The following TAOK1 variants were observed in gnomAD, a reference collection of about 807,000 sequenced individuals.
The protein encoded by TAOK1 is serine/threonine-protein kinase TAO1.
A neutral mutation model predicts 138.3 loss-of-function variants in TAOK1; 21 were observed. The ratio of observed to expected loss-of-function variants is 0.15; its 90% confidence interval spans 0.11 to 0.22. The LOEUF is 0.22. Among genes scored for constraint, TAOK1 ranks in the 10% least tolerant of loss-of-function variants. The pLI is 1.00. For missense variants in TAOK1, 651 were observed against 1,227.7 expected (o/e 0.53, Z 7.02); for synonymous variants, 361 against 398.4 (o/e 0.91, Z 1.12).
intron 17 of TAOK1, among the ~76,000 whole-genome samples, chr17:29,524,997 G>C (rs2150768942): frequency 6.6e-6 from 1 of 152,172 alleles, no homozygotes; most frequent in Non-Finnish European, 1.5e-5. Flanking sequence ...CTTAGTATAA[G>C]CATTAATTTT....
In TAOK1 at chr17:29,465,837, C is replaced by CTTTTTTTTTTTTTTTTTTTTTTTTT. The variant is rs3058623; in HGVS notation, c.133-1305_133-1281dup. On this transcript the variant is annotated intron_variant, in intron 2 of 19. Coordinates refer to ENST00000261716, the MANE Select transcript of TAOK1 (RefSeq NM_020791.4). ...AAGAGTTAACTGTCAAGTTTCTGTG[C>CTTTTTTTTTTTTTTTTTTTTTTTTT]TTTTTTTTTTTTTTTTTTTTTTTTT... Among the ~76,000 whole-genome samples the CTTTTTTTTTTTTTTTTTTTTTTTTT allele has an allele frequency of 5.3e-4, 24 of 45,432 alleles. 7 individuals carry two copies. Among genetic ancestry groups the CTTTTTTTTTTTTTTTTTTTTTTTTT allele is most frequent in the African/African-American group, 1.7e-3 (15 of 8,704 alleles). 29.8% of individuals were successfully genotyped at this position (45,432 alleles called of 152,430 possible). A position where few individuals can be genotyped will look rare whatever the true frequency, so the allele number is the denominator to read the frequency against.
intron 1 of TAOK1, among the ~76,000 whole-genome samples, chr17:29,418,947 T>TTTTTTTTTTTTTTTA (rs1555557975): frequency 1.5e-5 from 2 of 132,574 alleles, no homozygotes; most frequent in African/African-American, 2.8e-5. Context: ...TTTTTTTTTT[T>TTTTTTTTTTTTTTTA]ATGTATGTTT....
chr17:29,397,462 G>T (rs1230359706), intron 1 of TAOK1, among the ~76,000 whole-genome samples: 3 of 151,562 alleles, frequency 2.0e-5, no homozygotes, highest in Non-Finnish European at 4.4e-5. Flanking sequence ...AATTAGCCGG[G>T]CATGGTGGCG....
chr17:29,462,690 A>G (rs1032845951), intron 2 of TAOK1, among the ~76,000 whole-genome samples: 1 of 152,248 alleles, frequency 6.6e-6, no homozygotes, highest in Non-Finnish European at 1.5e-5. Context: ...GACCATTTAT[A>G]TATAATTAAT....
At chr17:29,462,154 C>G (rs1281249767) in intron 2 of TAOK1, among the ~76,000 whole-genome samples, 12 of 152,198 alleles carry the variant, frequency 7.9e-5, no homozygotes. Flanking sequence ...AGCTCTTTAA[C>G]ACACTTCTGA....
At chr17:29,426,887 A>G (rs1598476762) in intron 1 of TAOK1, among the ~76,000 whole-genome samples, 1 of 152,188 alleles carries the variant, frequency 6.6e-6, no homozygotes. Flanking sequence ...TGAATATTTT[A>G]TAGTAGAGCA....
At chr17:29,469,414 A>G (rs1442390997) in intron 3 of TAOK1, among the ~76,000 whole-genome samples, 1 of 152,128 alleles carries the variant, frequency 6.6e-6, no homozygotes, top group Non-Finnish European at 1.5e-5. Context: ...CATTATCACC[A>G]TGCGTCTCTA....
Position 29,471,315 on chromosome 17 carries a change from CTG to C in TAOK1, c.204+4101_204+4102del, listed in dbSNP as rs547065640. 2.3e-3 allele frequency among the ~76,000 whole-genome samples: 254 copies of C among 109,488 alleles called. 1 individual carries two copies. The highest frequency in any genetic ancestry group is 0.01 in the Middle Eastern group (1 of 100). 71.8% of individuals were successfully genotyped at this position (109,488 alleles called of 152,430 possible). A position where few individuals can be genotyped will look rare whatever the true frequency, so the allele number is the denominator to read the frequency against. ...TTTTTTTTTGAGATGAAGTCTCACTCTGTCGCCAGGCTGGAGTGCAGTGGCGC... is the reference window on the plus strand; with the variant it reads ...TTTTTTTTTGAGATGAAGTCTCACTCTCGCCAGGCTGGAGTGCAGTGGCGC... On this transcript the variant is annotated intron_variant, in intron 3 of 19. Transcript: ENST00000261716.
intron 1 of TAOK1, among the ~76,000 whole-genome samples, chr17:29,398,066 T>C (rs569071117): frequency 5.3e-5 from 8 of 152,060 alleles, no homozygotes; most frequent in African/African-American, 1.9e-4. Context: ...ACGGGGTCTC[T>C]ATGTTGCCCA....
intron 2 of TAOK1, among the ~76,000 whole-genome samples, chr17:29,457,089 CTTTTTTTTTTT>C (rs548221652): frequency 3.7e-5 from 4 of 107,426 alleles, no homozygotes; most frequent in South Asian, 6.6e-4. Context: ...TTTTCTTTTT[CTTTTTTTTTTT>C]TTTTTTTTTT....
intron 1 of TAOK1, among the ~76,000 whole-genome samples, chr17:29,407,518 T>C (rs1332061388): frequency 6.6e-6 from 1 of 151,458 alleles, no homozygotes; most frequent in East Asian, 2.0e-4. Flanking sequence ...CAATCATGGC[T>C]CACTGCAACC....
intron 3 of TAOK1, among the ~76,000 whole-genome samples, chr17:29,471,229 G>C (rs2030808139): frequency 6.8e-6 from 1 of 146,140 alleles, no homozygotes; most frequent in Admixed American, 6.8e-5. Context: ...ATAACATTTT[G>C]TCTAAAAAAG....
rs1285499313 is a variant in TAOK1, at chr17:29,543,215, G to A, written c.*193G>A. 1.9e-6 allele frequency: 1 copy of A among 512,974 alleles called. No homozygotes were observed. The highest frequency in any genetic ancestry group is 3.3e-6 in the Non-Finnish European group (1 of 304,822). The allele number at this position is 512,974 out of a possible 1,614,324, so 31.8% of individuals were successfully genotyped here. ...GGATGTCATAGTACTTGGCTGCCGG[G>A]TTTGTTTGTTTTTGGGGAAATTTTG... On this transcript the variant is annotated 3_prime_UTR_variant, in exon 20 of 20. Coordinates refer to ENST00000261716, the MANE Select transcript of TAOK1 (RefSeq NM_020791.4).
rs758340709 is a variant in TAOK1 at position 29,522,463 on chromosome 17, C to G, written c.2092C>G (p.Arg698Gly). 2 of 1,614,040 alleles carry G rather than the reference C, an allele frequency of 1.2e-6. No homozygotes were observed. The highest frequency in any genetic ancestry group is 1.7e-5 in the Admixed American group (1 of 59,996). Residue 698 changes from arginine (R) to glycine (G), a missense_variant, in exon 17 of 20, where the codon CGA (arginine) becomes GGA (glycine). Arg to Gly is a moderately radical substitution (Grantham distance 125). This residue lies in a region of TAOK1 where 258 missense variants were observed against 548.9 expected (regional missense o/e 0.47). Transcript: ENST00000261716. ...GCTGGAATATAATAAGCGAAGAGAACGAGAACTAAGACGAAAGCATGTCAT... is the reference window on the plus strand; with the variant it reads ...GCTGGAATATAATAAGCGAAGAGAAGGAGAACTAAGACGAAAGCATGTCAT... ...NQLEYNKRRE[R>G]ELRRKHVMEV...
chr17:29,524,746 C>G (rs1412990062), intron 17 of TAOK1, among the ~76,000 whole-genome samples: 2 of 152,118 alleles, frequency 1.3e-5, no homozygotes, highest in Non-Finnish European at 2.9e-5. Flanking sequence ...AATATAGCAT[C>G]AACTGTGTTT....
In TAOK1 at chr17:29,495,736, T is replaced by TA. The variant is rs758992037; in HGVS notation, c.999+16dup. On this transcript the variant is annotated intron_variant, in intron 11 of 19. Coordinates refer to ENST00000261716, the MANE Select transcript of TAOK1 (RefSeq NM_020791.4). ...CACAGGAAGAAGAAGAGGTAAGAGA[T>TA]AAAAAAATGACTCCAATATTGAATT... The TA allele has an allele frequency of 8.9e-6, 14 of 1,576,670 alleles. No homozygotes were observed. Among genetic ancestry groups the TA allele is most frequent in the South Asian group, 2.3e-5 (2 of 85,766 alleles).
chr17:29,448,617 GTC>G (rs1278473803), intron 1 of TAOK1, among the ~76,000 whole-genome samples: 1 of 152,038 alleles, frequency 6.6e-6, no homozygotes, highest in Non-Finnish European at 1.5e-5. Flanking sequence ...ATTATCTCTT[GTC>G]TCTCTGAATT....
At chr17:29,524,219 G>A (rs978909130) in intron 17 of TAOK1, among the ~76,000 whole-genome samples, 1 of 152,128 alleles carries the variant, frequency 6.6e-6, no homozygotes, top group Non-Finnish European at 1.5e-5. Context: ...TGTTTTTGCA[G>A]TGGGGAGATA....
intron 1 of TAOK1, among the ~76,000 whole-genome samples, chr17:29,436,809 C>T (rs552725672): frequency 2.0e-5 from 3 of 152,234 alleles, no homozygotes; most frequent in South Asian, 2.1e-4. Flanking sequence ...TTGGCAATTC[C>T]GTGTACCTAA....
Sources: allele counts gnomAD v4.1 joint callset (sites outside exome capture counted in the v4.1 genomes callset), GRCh38; gene constraint gnomAD v4.1.1; regional missense constraint gnomAD v4.1.1; transcripts MANE v1.5; gene names NCBI Gene and HGNC (gene_info 2026-07-23, HGNC 2026-07-21).